DLGAP4: variants seen among roughly 807,000 people sequenced by gnomAD.
The protein encoded by DLGAP4 is DLG associated protein 4, also known as disks large-associated protein 4.
Under a neutral mutation model 86.9 loss-of-function variants are expected in DLGAP4, and 18 were observed. The ratio of observed to expected loss-of-function variants is 0.21; its 90% CI spans 0.14 to 0.31. The LOEUF is 0.31. Among genes scored for constraint, DLGAP4 ranks in the 10% least tolerant of loss-of-function variants. DLGAP4 has a pLI of 1.00. For missense variants in DLGAP4, 1,085 were observed against 1,362.6 expected (o/e 0.80, Z 3.21); for synonymous variants, 548 against 574.3 (o/e 0.95, Z 0.65).
At chr20:36,423,039 G>C (rs1331752997) in intron 2 of DLGAP4, among the ~76,000 whole-genome samples, 1 of 152,140 alleles carries the variant, frequency 6.6e-6, no homozygotes, top group Non-Finnish European at 1.5e-5. Context: ...GGAGCTCAGA[G>C]GAGTCAGGGT....
chr20:36,346,027 G>A (rs1555892921), intron 1 of DLGAP4, among the ~76,000 whole-genome samples: 2 of 152,168 alleles, frequency 1.3e-5, no homozygotes, highest in African/African-American at 4.8e-5. Context: ...AAAGTGCTGG[G>A]ACTACAGGTG....
At chr20:36,513,086 G>A (rs558922823) in intron 10 of DLGAP4, among the ~76,000 whole-genome samples, 14 of 150,596 alleles carry the variant, frequency 9.3e-5, no homozygotes, top group South Asian at 2.1e-4. Flanking sequence ...CAAGTAGCTC[G>A]GACCACAGGC....
intron 1 of DLGAP4, among the ~76,000 whole-genome samples, chr20:36,340,207 C>T (rs540968071): frequency 2.5e-4 from 38 of 152,282 alleles, no homozygotes; most frequent in Middle Eastern, 3.4e-3. Context: ...TCCCCAACAT[C>T]AGCTCCTCCC....
At chr20:36,348,065 G>A (rs954179509) in intron 1 of DLGAP4, among the ~76,000 whole-genome samples, 1 of 152,100 alleles carries the variant, frequency 6.6e-6, no homozygotes, top group Non-Finnish European at 1.5e-5. Flanking sequence ...CCTCTAAGCT[G>A]ATTTTCTTAG....
At chr20:36,316,957 C>T (rs2065106385) in intron 1 of DLGAP4, among the ~76,000 whole-genome samples, 1 of 152,208 alleles carries the variant, frequency 6.6e-6, no homozygotes, top group African/African-American at 2.4e-5. Flanking sequence ...GCTTTTCAAA[C>T]TGGGAGAAGC....
intron 10 of DLGAP4, chr20:36,508,019 G>A (rs528550164): frequency 5.9e-5 from 9 of 152,328 alleles, no homozygotes; most frequent in Non-Finnish European, 1.3e-4. Flanking sequence ...CCAAGTGTGT[G>A]TTGAACCCTG....
At chr20:36,519,457 C>G (rs1012409018) in intron 10 of DLGAP4, among the ~76,000 whole-genome samples, 1 of 152,148 alleles carries the variant, frequency 6.6e-6, no homozygotes, top group African/African-American at 2.4e-5. Context: ...CGTGCATGTA[C>G]ACACAGATTT....
chr20:36,323,487 G>A (rs1036779767), intron 1 of DLGAP4, among the ~76,000 whole-genome samples: 4 of 152,110 alleles, frequency 2.6e-5, no homozygotes, highest in Non-Finnish European at 5.9e-5. Flanking sequence ...TATGTCATAC[G>A]TTATCCATTC....
chr20:36,462,466 T>C, intron 7 of DLGAP4: 1 of 1,542,158 alleles, frequency 6.5e-7, no homozygotes, highest in South Asian at 1.2e-5. Flanking sequence ...CCCTTGCTTT[T>C]TCAGCCCTAG....
intron 4 of DLGAP4, among the ~76,000 whole-genome samples, chr20:36,437,341 C>A (rs1477919506): frequency 6.6e-6 from 1 of 152,182 alleles, no homozygotes; most frequent in Admixed American, 6.5e-5. Context: ...TAAACCCCTC[C>A]CACAGGAGCC....
chr20:36,396,356 C>CG (rs144783809), intron 2 of DLGAP4, among the ~76,000 whole-genome samples: 5 of 26,966 alleles, frequency 1.9e-4, no homozygotes, highest in East Asian at 8.7e-4. Context: ...CACACACATA[C>CG]CACACGCACA....
At chr20:36,495,079 G>A (rs566331328) in intron 7 of DLGAP4, among the ~76,000 whole-genome samples, 7 of 124,800 alleles carry the variant, frequency 5.6e-5, no homozygotes, top group Admixed American at 4.3e-4. Context: ...TGCAACCTCC[G>A]CCTCCCAAGT....
intron 7 of DLGAP4, among the ~76,000 whole-genome samples, chr20:36,474,685 A>T (rs1364121574): frequency 2.6e-5 from 4 of 151,776 alleles, no homozygotes; most frequent in Admixed American, 1.3e-4. Context: ...TAGGGCTGCC[A>T]CCGTTGCTGC....
At chr20:36,372,062 G>C (rs1322201199) in intron 2 of DLGAP4, among the ~76,000 whole-genome samples, 1 of 152,174 alleles carries the variant, frequency 6.6e-6, no homozygotes, top group Non-Finnish European at 1.5e-5. Context: ...CCCTTTGACT[G>C]TGTGACCTTG....
At chr20:36,435,226 G>C (rs62210513) in intron 3 of DLGAP4, among the ~76,000 whole-genome samples, 2,341 of 152,260 alleles carry the variant, frequency 0.015, 28 homozygotes, top group South Asian at 0.025. Flanking sequence ...TGTTCACTCT[G>C]TGCACAGGCT....
intron 2 of DLGAP4, among the ~76,000 whole-genome samples, chr20:36,394,570 G>A (rs570607603): frequency 6.6e-6 from 1 of 152,286 alleles, no homozygotes; most frequent in African/African-American, 2.4e-5. Flanking sequence ...GTGGCCCTGG[G>A]TACATGCACG....
chr20:36,391,246 A>G (rs889057830), intron 2 of DLGAP4, among the ~76,000 whole-genome samples: 2 of 152,114 alleles, frequency 1.3e-5, no homozygotes, highest in African/African-American at 4.8e-5. Context: ...CACTCTGACC[A>G]TGAACTCCTC....
intron 1 of DLGAP4, among the ~76,000 whole-genome samples, chr20:36,345,765 T>A (rs2029917425): frequency 6.6e-6 from 1 of 151,270 alleles, no homozygotes; most frequent in African/African-American, 2.4e-5. Flanking sequence ...TCCTATTACT[T>A]TTTTTTTTCT....
chr20:36,407,542 T>C (rs2032360247), intron 2 of DLGAP4, among the ~76,000 whole-genome samples: 2 of 152,096 alleles, frequency 1.3e-5, no homozygotes, highest in African/African-American at 4.8e-5. Context: ...TCAAGCACCA[T>C]GTAGCCCTGA....
Sources: allele counts gnomAD v4.1 joint callset (sites outside exome capture counted in the v4.1 genomes callset), GRCh38; gene constraint gnomAD v4.1.1; transcripts MANE v1.5; gene names NCBI Gene and HGNC (gene_info 2026-07-23, HGNC 2026-07-21).